The following DLC1 variants were observed in gnomAD, a reference collection of about 807,000 sequenced individuals.
DLC1 encodes rho GTPase-activating protein 7.
A neutral mutation model predicts 140.3 loss-of-function variants in DLC1; 54 were observed. The observed-to-expected ratio is 0.38, with a 90% CI of 0.31 to 0.48. The LOEUF (loss-of-function observed/expected upper bound fraction) is 0.48. Ranked by LOEUF, DLC1 falls within the 20% of genes least tolerant of loss-of-function variation. The pLI is 0.96. For synonymous variants in DLC1, 986 were observed against 728.1 expected, an observed-to-expected ratio of 1.35 and a Z score of -5.70; for missense variants, 2,536 against 1,907.0, an observed-to-expected ratio of 1.33 and a Z score of -6.14.
chr8:13,329,356 G>C (rs1586148214), intron 4 of DLC1, among the ~76,000 whole-genome samples: 1 of 135,954 alleles, frequency 7.4e-6, no homozygotes, highest in Admixed American at 7.4e-5. Flanking sequence ...TGCATAGAAG[G>C]GGGGTCAAGG....
chr8:13,086,971 A>T (rs1817616077), intron 16 of DLC1, among the ~76,000 whole-genome samples: 1 of 152,292 alleles, frequency 6.6e-6, no homozygotes, highest in South Asian at 2.1e-4. Flanking sequence ...CTGTACTCAA[A>T]CTTGGGCAAC....
At chr8:13,537,445 C>G (rs368845420) in intron 1 of DLC1, among the ~76,000 whole-genome samples, 1 of 152,016 alleles carries the variant, frequency 6.6e-6, no homozygotes, top group East Asian at 1.9e-4. Flanking sequence ...CTGAGAATCC[C>G]ACATAATATA....
intron 5 of DLC1, among the ~76,000 whole-genome samples, chr8:13,272,308 C>T (rs1460682288): frequency 6.6e-6 from 1 of 151,850 alleles, no homozygotes; most frequent in Non-Finnish European, 1.5e-5. Context: ...ATTAGCCAGG[C>T]GAGGTGGTGG....
chr8:13,261,713 T>C (rs949644726), intron 5 of DLC1, among the ~76,000 whole-genome samples: 3 of 151,744 alleles, frequency 2.0e-5, no homozygotes, highest in African/African-American at 7.3e-5. Flanking sequence ...ATGGAAGAAA[T>C]GTAGGGTATG....
chr8:13,441,411 G>A (rs1206058713), intron 2 of DLC1, among the ~76,000 whole-genome samples: 4 of 152,242 alleles, frequency 2.6e-5, no homozygotes, highest in African/African-American at 9.6e-5. Context: ...AAAAGAGGAA[G>A]TCAAACTGTC....
rs964237226 is a variant in DLC1 at position 13,088,610 on chromosome 8, T to C, written c.4169A>G (p.His1390Arg). 3.1e-6 allele frequency: 5 copies of C among 1,613,994 alleles called. No homozygotes were observed. Among genetic ancestry groups the C allele is most frequent in the Admixed American group, 1.7e-5 (1 of 59,986 alleles). Reference protein sequence around the residue: ...EILKRLLKEQHLWDVDLLDSK... With the variant: ...EILKRLLKEQRLWDVDLLDSK... The stretch of plus-strand genomic sequence containing the variant: ...ATCCAACAGGTCTACATCCCAGAGG[T>C]GCTGTTCTTTAAGTAGGCGCTTTAA... The change falls in exon 16 of 18, where the codon CAC becomes CGC. Residue 1390 changes from histidine to arginine, a missense_variant. Transcript: ENST00000276297.
At chr8:13,462,396 C>CTTT (rs869264457) in intron 2 of DLC1, among the ~76,000 whole-genome samples, 2 of 131,120 alleles carry the variant, frequency 1.5e-5, no homozygotes, top group Non-Finnish European at 3.3e-5. Flanking sequence ...CATTACTATT[C>CTTT]TTTTTTTTTT....
chr8:13,406,649 A>G (rs1241071458), intron 2 of DLC1, among the ~76,000 whole-genome samples: 1 of 152,114 alleles, frequency 6.6e-6, no homozygotes, highest in East Asian at 1.9e-4. Flanking sequence ...CTCGGTAATT[A>G]TGTTTACTCT....
intron 1 of DLC1, among the ~76,000 whole-genome samples, chr8:13,541,222 T>A (rs1803474138): frequency 6.6e-6 from 1 of 152,126 alleles, no homozygotes; most frequent in South Asian, 2.1e-4. Context: ...TTTTGATTGT[T>A]TCTAGTTTTT....
rs1053555640 is a variant in DLC1, at chr8:13,177,924, CA to C, written c.1349-62268del. Among the ~76,000 whole-genome samples the C allele has an allele frequency of 7.3e-5, 11 of 151,122 alleles. No individual in the cohort carries two copies. In the East Asian group the frequency reaches 9.7e-4, roughly 13 times the overall value. On this transcript the variant is annotated intron_variant, in intron 5 of 17. Transcript: ENST00000276297. ...TTTGTTGGAAATTTGTGTTAGACCCCAAAAAAAAGGGGACTTGACACTTAAA... is the reference window on the plus strand; with the variant it reads ...TTTGTTGGAAATTTGTGTTAGACCCCAAAAAAAGGGGACTTGACACTTAAA...
intron 16 of DLC1, among the ~76,000 whole-genome samples, chr8:13,087,532 A>G (rs534568144): frequency 7.2e-5 from 11 of 152,374 alleles, no homozygotes; most frequent in Admixed American, 7.2e-4. Flanking sequence ...CTGTTAGAGC[A>G]GCATTACATG....
chr8:13,211,069 C>T (rs2117107240), intron 5 of DLC1, among the ~76,000 whole-genome samples: 1 of 152,240 alleles, frequency 6.6e-6, no homozygotes, highest in South Asian at 2.1e-4. Context: ...AAAGAAACTG[C>T]CTCAAACCAG....
At chr8:13,462,957 A>G (rs944718143) in intron 2 of DLC1, among the ~76,000 whole-genome samples, 4 of 152,190 alleles carry the variant, frequency 2.6e-5, no homozygotes, top group Admixed American at 2.6e-4. Flanking sequence ...TAGCACAAAG[A>G]ATAAAAATAA....
At chr8:13,102,920 G>A (rs1585627076) in intron 7 of DLC1, 67 bp from the exon 8 acceptor site, 1 of 1,315,524 alleles carries the variant, frequency 7.6e-7, no homozygotes, top group East Asian at 2.3e-5. Flanking sequence ...ATAAACACCT[G>A]TTTTTAAACA....
At chr8:13,425,830 A>T (rs1838549609) in intron 2 of DLC1, among the ~76,000 whole-genome samples, 1 of 152,176 alleles carries the variant, frequency 6.6e-6, no homozygotes, top group South Asian at 2.1e-4. Context: ...GCTGTAGTGC[A>T]GTGGCACAAT....
At chr8:13,130,939 A>C (rs567208373) in intron 5 of DLC1, among the ~76,000 whole-genome samples, 1 of 152,332 alleles carries the variant, frequency 6.6e-6, no homozygotes, top group East Asian at 1.9e-4. Flanking sequence ...CTAATGCAAA[A>C]AGTATGCATC....
intron 5 of DLC1, among the ~76,000 whole-genome samples, chr8:13,198,147 T>G (rs1827174045): frequency 6.6e-6 from 1 of 152,196 alleles, no homozygotes; most frequent in Non-Finnish European, 1.5e-5. Context: ...AGAAATCTCT[T>G]GGAAGCTAAG....
chr8:13,430,185 G>A (rs368768266), intron 2 of DLC1, among the ~76,000 whole-genome samples: 25 of 152,242 alleles, frequency 1.6e-4, no homozygotes, highest in East Asian at 1.5e-3. Context: ...ATTGGAGAGC[G>A]CATGAGTCTT....
intron 1 of DLC1, among the ~76,000 whole-genome samples, chr8:13,528,744 G>T (rs1802999961): frequency 6.6e-6 from 1 of 152,116 alleles, no homozygotes; most frequent in Non-Finnish European, 1.5e-5. Flanking sequence ...AGTAGAAGGT[G>T]TGAACTATCA....
Sources: allele counts gnomAD v4.1 joint callset (sites outside exome capture counted in the v4.1 genomes callset), GRCh38; gene constraint gnomAD v4.1.1; transcripts MANE v1.5; gene names NCBI Gene and HGNC (gene_info 2026-07-23, HGNC 2026-07-21).